UQCC1: variants seen among roughly 807,000 people sequenced by gnomAD.
UQCC1 encodes bFGF-repressed Zic-binding protein.
UQCC1 carries 38 observed loss-of-function variants against 48.0 expected under a neutral mutation model. The observed-to-expected ratio is 0.79, with a 90% CI of 0.61 to 1.04. The LOEUF (loss-of-function observed/expected upper bound fraction) is 1.04, where lower values mean the gene tolerates loss of function less well. Ranked by LOEUF, UQCC1 falls within the 50% of genes least tolerant of loss-of-function variation. The pLI is 0.00. For synonymous variants in UQCC1, 111 were observed against 129.2 expected (o/e 0.86, Z 0.95); for missense variants, 368 against 381.8 (o/e 0.96, Z 0.30).
intron 5 of UQCC1, among the ~76,000 whole-genome samples, chr20:35,371,335 G>GT (rs1420797962): frequency 1.6e-4 from 16 of 100,052 alleles, no homozygotes; most frequent in East Asian, 8.2e-4. Flanking sequence ...GAGGATGAGG[G>GT]TTTTTTTTGT....
intron 1 of UQCC1, among the ~76,000 whole-genome samples, chr20:35,401,658 C>CTTTTT (rs142034321): frequency 5.9e-5 from 7 of 117,976 alleles, no homozygotes; most frequent in African/African-American, 1.3e-4. Flanking sequence ...TGAAATCCAC[C>CTTTTT]TTTTTTTTTT....
In UQCC1 at chr20:35,367,098, AAAAAAAAAAAAC is replaced by A. The variant is rs773614573; in HGVS notation, c.407-496_407-485del. ...AATAGAGTGAGACTCTGTCTAAAAA[AAAAAAAAAAAAC>A]AAACAAAAAAACAACCCATTGAATT... On this transcript the variant is annotated intron_variant, in intron 5 of 9. Transcript: ENST00000374385. Among the ~76,000 whole-genome samples, 176 of 151,008 alleles carry A rather than the reference AAAAAAAAAAAAC, an allele frequency of 1.2e-3. 3 individuals are homozygous for A. In the East Asian group the frequency reaches 0.031, roughly 26 times the overall value.
At chr20:35,310,666 A>AAAAAAAAAAT (rs1200004845) in intron 8 of UQCC1, among the ~76,000 whole-genome samples, 1 of 148,356 alleles carries the variant, frequency 6.7e-6, no homozygotes, top group Non-Finnish European at 1.5e-5. Context: ...AAAAAAAAAA[A>AAAAAAAAAAT]AATTGGGAAG....
chr20:35,318,977 G>A (rs1452827488), intron 7 of UQCC1, among the ~76,000 whole-genome samples: 3 of 152,174 alleles, frequency 2.0e-5, no homozygotes, highest in Admixed American at 2.0e-4. Flanking sequence ...CCCAGCAGAA[G>A]AGAAACTCCT....
intron 8 of UQCC1, among the ~76,000 whole-genome samples, chr20:35,309,504 T>G (rs1230511239): frequency 1.3e-5 from 2 of 151,498 alleles, no homozygotes; most frequent in African/African-American, 4.9e-5. Flanking sequence ...ACACTGCTAG[T>G]GTAAGGCAGT....
At chr20:35,411,547 G>T (rs1011199594) in intron 1 of UQCC1, among the ~76,000 whole-genome samples, 3 of 152,144 alleles carry the variant, frequency 2.0e-5, no homozygotes, top group Non-Finnish European at 4.4e-5. Context: ...TTCACATAGG[G>T]TCAATGAGGC....
chr20:35,329,793 G>A (rs2146344208), intron 7 of UQCC1, among the ~76,000 whole-genome samples: 1 of 152,298 alleles, frequency 6.6e-6, no homozygotes, highest in East Asian at 1.9e-4. Flanking sequence ...GTAGGACATG[G>A]AGTGAGAGGC....
chr20:35,355,298 G>A (rs2061534951), intron 6 of UQCC1, among the ~76,000 whole-genome samples: 2 of 152,238 alleles, frequency 1.3e-5, no homozygotes, highest in South Asian at 4.1e-4. Flanking sequence ...CAAAGGCAAA[G>A]AATCAGTCTT....
At chr20:35,401,499 G>A (rs1469364238) in intron 1 of UQCC1, among the ~76,000 whole-genome samples, 1 of 152,018 alleles carries the variant, frequency 6.6e-6, no homozygotes, top group East Asian at 1.9e-4. Context: ...CACACACATT[G>A]GCAGCTCAAA....
chr20:35,307,916 G>T (rs1182222825), intron 8 of UQCC1, among the ~76,000 whole-genome samples: 1 of 152,212 alleles, frequency 6.6e-6, no homozygotes, highest in Non-Finnish European at 1.5e-5. Context: ...TGGCCATGCG[G>T]CCTTTAAGAA....
chr20:35,386,165 A>T lies in UQCC1; in HGVS notation c.130-2032T>A, dbSNP rs190590930. The T allele has an allele frequency of 3.9e-3, 1,324 of 342,634 alleles. 6 individuals are homozygous for T. The highest frequency in any genetic ancestry group is 4.8e-3 in the Middle Eastern group (5 of 1,036). The allele number at this position is 342,634 out of a possible 1,614,324, so 21.2% of individuals were successfully genotyped here. On this transcript the variant is annotated intron_variant, in intron 2 of 9. Coordinates refer to ENST00000374385, the MANE Select transcript of UQCC1 (RefSeq NM_018244.5). ...TTAGAAAGAACACACAAGAAACCAA[A>T]GAGTTATTTTGTTAAGTTAGAATTA...
intron 2 of UQCC1, among the ~76,000 whole-genome samples, chr20:35,390,099 C>T (rs2061995888): frequency 6.6e-6 from 1 of 152,106 alleles, no homozygotes; most frequent in African/African-American, 2.4e-5. Context: ...CTGTATGAGT[C>T]CACTCACATG....
intron 1 of UQCC1, among the ~76,000 whole-genome samples, chr20:35,404,120 G>A (rs1461972166): frequency 6.6e-6 from 1 of 151,994 alleles, no homozygotes; most frequent in Admixed American, 6.6e-5. Flanking sequence ...AGTGGCTCAC[G>A]CTTGTAATCC....
At chr20:35,310,650 A>AAG (rs2060980347) in intron 8 of UQCC1, among the ~76,000 whole-genome samples, 1 of 148,114 alleles carries the variant, frequency 6.8e-6, no homozygotes, top group Admixed American at 6.7e-5. Context: ...GTCTCAAAAA[A>AAG]AAAAAAAAAA....
At chr20:35,347,635 G>C (rs17421899) in intron 6 of UQCC1, among the ~76,000 whole-genome samples, 8,393 of 152,144 alleles carry the variant, frequency 0.055, 356 homozygotes, top group Non-Finnish European at 0.092. Context: ...GAAAGCAGGA[G>C]TCCTAAAGAC....
intron 1 of UQCC1, among the ~76,000 whole-genome samples, chr20:35,403,960 G>A (rs1011028790): frequency 3.9e-5 from 6 of 152,034 alleles, no homozygotes; most frequent in Admixed American, 2.0e-4. Flanking sequence ...TACCTAGGCC[G>A]GGCGTGGTGG....
rs6060367 is a variant in UQCC1, at chr20:35,315,819, G to A, written c.574-1054C>T. On this transcript the variant is annotated intron_variant, in intron 7 of 9. Transcript: ENST00000374385. ...GTGCATCACTTGAGCCTGGGAGGCC[G>A]AGGCTGCAGTGAGCCAGGATCGCGC... Among the ~76,000 whole-genome samples the A allele has an allele frequency of 5.8e-3, 882 of 152,262 alleles. 6 individuals are homozygous for A. Among genetic ancestry groups the A allele is most frequent in the African/African-American group, 0.02 (813 of 41,552 alleles).
intron 7 of UQCC1, chr20:35,343,979 T>C (rs1343248585): frequency 1.3e-5 from 2 of 152,218 alleles, no homozygotes; most frequent in African/African-American, 4.8e-5. Context: ...AAAAAACGGC[T>C]GGATAAAATG....
intron 8 of UQCC1, among the ~76,000 whole-genome samples, chr20:35,311,617 G>A (rs1390509998): frequency 1.3e-5 from 2 of 152,136 alleles, no homozygotes; most frequent in Non-Finnish European, 2.9e-5. Context: ...CTCAGGCCCC[G>A]CCCCAGACTT....
Sources: allele counts gnomAD v4.1 joint callset (sites outside exome capture counted in the v4.1 genomes callset), GRCh38; gene constraint gnomAD v4.1.1; transcripts MANE v1.5; gene names NCBI Gene and HGNC (gene_info 2026-07-23, HGNC 2026-07-21).